Variants in KRT72 observed in about 807,000 individuals in gnomAD.
The protein encoded by KRT72 is keratin 72.
A neutral mutation model predicts 44.7 loss-of-function variants in KRT72; 44 were observed. The ratio of observed to expected loss-of-function variants is 0.98; its 90% CI spans 0.77 to 1.27. KRT72 has a LOEUF of 1.27. KRT72 is among the 50% of genes most tolerant of loss of function. KRT72 has a pLI of 0.00. For missense variants in KRT72, 736 were observed against 667.1 expected (o/e 1.10, Z -1.14); for synonymous variants, 302 against 280.4 (o/e 1.08, Z -0.77).
Position 52,585,928 on chromosome 12 carries a change from G to A in KRT72, c.*54C>T. The A allele has an allele frequency of 6.7e-7, 1 of 1,496,072 alleles. No homozygotes were observed. The allele number at this position is 1,496,072 out of a possible 1,614,324, so 92.7% of individuals were successfully genotyped here. A position where few individuals can be genotyped will look rare whatever the true frequency, so the allele number is the denominator to read the frequency against. ...GAAAGGGAGCCCAGGGAAGGAGAGGGAGGAGACGGGTGAGTTGGGAAGCCT... is the reference window on the plus strand; with the variant it reads ...GAAAGGGAGCCCAGGGAAGGAGAGGAAGGAGACGGGTGAGTTGGGAAGCCT... On this transcript the variant is annotated 3_prime_UTR_variant, in exon 9 of 9. Coordinates refer to ENST00000293745, the MANE Select transcript of KRT72 (RefSeq NM_080747.3).
chr12:52,589,001 AATATATAT>A (rs71092771), intron 6 of KRT72, among the ~76,000 whole-genome samples: 2 of 149,172 alleles, frequency 1.3e-5, no homozygotes, highest in Non-Finnish European at 3.0e-5. Flanking sequence ...ATCCATCTCA[AATATATAT>A]ATATATATTA....
chr12:52,599,777 G>A (rs1381296283), intron 1 of KRT72, among the ~76,000 whole-genome samples: 3 of 152,066 alleles, frequency 2.0e-5, no homozygotes, highest in Non-Finnish European at 2.9e-5. Context: ...GTGCCCTCCC[G>A]CCACCTCAAT....
chr12:52,601,059 G>A lies in KRT72; in HGVS notation c.394C>T (p.Leu132=), dbSNP rs1402936761. ...ATGAAGGAGGCGAACTTGTTGTTTA[G>A]CGCCTTGATCTGCTCCCGCTCCTGG... ...RAQEREQIKA[L]NNKFASFIDK... The change falls in exon 1 of 9, where the codon CTA becomes TTA. Residue 132 remains leucine (L), a synonymous_variant. Transcript: ENST00000293745. 1 of 1,612,228 alleles carries A rather than the reference G, an allele frequency of 6.2e-7. No individual in the cohort carries two copies. Among genetic ancestry groups the A allele is most frequent in the East Asian group, 2.2e-5 (1 of 44,732 alleles).
chr12:52,601,045 G>A lies in KRT72; in HGVS notation c.408C>T (p.Phe136=), dbSNP rs1189472937. The part of the protein sequence containing the change: ...REQIKALNNK[F]ASFIDKVRFL... The stretch of plus-strand genomic sequence containing the variant: ...GACTCACCTTGTCGATGAAGGAGGC[G>A]AACTTGTTGTTTAGCGCCTTGATCT... The change falls in exon 1 of 9, where the codon TTC becomes TTT. Residue 136 remains phenylalanine, a synonymous_variant. Transcript: ENST00000293745. 3.1e-6 allele frequency: 5 copies of A among 1,611,790 alleles called. No homozygotes were observed. Among genetic ancestry groups the A allele is most frequent in the East Asian group, 2.2e-5 (1 of 44,688 alleles).
At chr12:52,595,018 T>C (rs531985842) in intron 2 of KRT72, among the ~76,000 whole-genome samples, 1 of 152,218 alleles carries the variant, frequency 6.6e-6, no homozygotes, top group Non-Finnish European at 1.5e-5. Context: ...AGATTAATAA[T>C]GTCTACCCCC....
At chr12:52,598,286 G>A (rs1401983416) in intron 2 of KRT72, among the ~76,000 whole-genome samples, 1 of 152,120 alleles carries the variant, frequency 6.6e-6, no homozygotes, top group Non-Finnish European at 1.5e-5. Context: ...CAGCTCTGAC[G>A]ACCTCCAGCC....
At chr12:52,594,503 C>T (rs1372194492) in intron 2 of KRT72, among the ~76,000 whole-genome samples, 1 of 151,940 alleles carries the variant, frequency 6.6e-6, no homozygotes, top group East Asian at 1.9e-4. Flanking sequence ...GCAACTATTG[C>T]AAGGACAGAA....
At chr12:52,596,743 G>A (rs1940239243) in intron 2 of KRT72, among the ~76,000 whole-genome samples, 1 of 151,788 alleles carries the variant, frequency 6.6e-6, no homozygotes, top group African/African-American at 2.4e-5. Context: ...GTAGAGACAG[G>A]GTTTCGCCAT....
intron 2 of KRT72, 116 bp downstream of exon 2, chr12:52,598,782 A>C: frequency 1.2e-6 from 1 of 829,176 alleles, no homozygotes; most frequent in Non-Finnish European, 2.0e-6. Flanking sequence ...TTCTGTCTGG[A>C]TGTTCCTCCC....
upstream of KRT72, among the ~76,000 whole-genome samples, chr12:52,601,764 G>A (rs1940473848): frequency 6.6e-6 from 1 of 152,058 alleles, no homozygotes; most frequent in Admixed American, 6.5e-5. Flanking sequence ...CCACCTGCTG[G>A]CCTCCAATTA....
intron 7 of KRT72, 126 bp downstream of exon 7, chr12:52,587,505 G>T: frequency 9.8e-7 from 1 of 1,019,202 alleles, no homozygotes; most frequent in Non-Finnish European, 1.5e-6. Flanking sequence ...CTAATCATGT[G>T]ACAAGCCCAT....
chr12:52,601,115 T>C lies in KRT72; in HGVS notation c.338A>G (p.Glu113Gly). Residue 113 changes from glutamate to glycine, a missense_variant, in exon 1 of 9, where the codon GAG (glutamate) becomes GGG (glycine). By Grantham distance (98) the Glu-to-Gly change is moderately conservative. Coordinates refer to ENST00000293745, the MANE Select transcript of KRT72 (RefSeq NM_080747.3). ...NKSLLAPLNV[E>G]MDPEIQRVRA... Reference sequence around the variant, plus strand: ...CACCCTCTGGATCTCGGGGTCCATCTCCACGTTGAGCGGGGCCAGGAGGCT... The same window carrying C: ...CACCCTCTGGATCTCGGGGTCCATCCCCACGTTGAGCGGGGCCAGGAGGCT... 6.2e-7 allele frequency: 1 copy of C among 1,612,988 alleles called. No homozygotes were observed. Among genetic ancestry groups the C allele is most frequent in the Non-Finnish European group, 8.5e-7 (1 of 1,179,630 alleles).
chr12:52,596,324 C>T (rs1347397902), intron 2 of KRT72, among the ~76,000 whole-genome samples: 3 of 152,126 alleles, frequency 2.0e-5, no homozygotes, highest in Admixed American at 2.0e-4. Flanking sequence ...AGAATCCTAT[C>T]TCAGCTCAAT....
chr12:52,601,477 G>T (rs1440716658), upstream of KRT72: 3 of 1,530,464 alleles, frequency 2.0e-6, no homozygotes, highest in African/African-American at 4.2e-5. Context: ...GGTGCTGGCC[G>T]CGCGGGAGGC....
At chr12:52,588,899 C>T (rs777134161) in intron 6 of KRT72, among the ~76,000 whole-genome samples, 3 of 152,018 alleles carry the variant, frequency 2.0e-5, no homozygotes, top group Non-Finnish European at 4.4e-5. Context: ...ACTCGAGAGG[C>T]TGAGGCAGGA....
intron 3 of KRT72, 147 bp from the exon 4 acceptor site, chr12:52,592,638 TA>T: frequency 1.5e-6 from 1 of 660,932 alleles, no homozygotes; most frequent in Non-Finnish European, 2.6e-6. Context: ...TCCCTGAGAG[TA>T]AACCAACTAA....
chr12:52,601,258 C>T lies in KRT72; in HGVS notation c.195G>A (p.Arg65=). The change falls in exon 1 of 9, where the codon CGG becomes CGA. Residue 65 remains arginine (R), a synonymous_variant. Transcript: ENST00000293745. ...SRSLALSAAA[R]RGGGRLGGFV... ...AGCCGCCCAGGCGGCCGCCGCCCCGCCGTGCAGCAGCGCTGAGCGCCAGGC... is the reference window on the plus strand; with the variant it reads ...AGCCGCCCAGGCGGCCGCCGCCCCGTCGTGCAGCAGCGCTGAGCGCCAGGC... 1 of 1,562,658 alleles carries T rather than the reference C, an allele frequency of 6.4e-7. No homozygotes were observed. Among genetic ancestry groups the T allele is most frequent in the South Asian group, 1.2e-5 (1 of 86,306 alleles).
At position 52,592,782 on chromosome 12, in the gene KRT72, C is replaced by T; in HGVS notation, c.702+110G>A. ...TGGGAAGTTAGAGTGCCAGTCACCCCTGCCCAAGGGACTGAGTGACCTACA... is the reference window on the plus strand; with the variant it reads ...TGGGAAGTTAGAGTGCCAGTCACCCTTGCCCAAGGGACTGAGTGACCTACA... On this transcript the variant is annotated intron_variant, in intron 3 of 8. Transcript: ENST00000293745. The T allele has an allele frequency of 5.5e-6, 5 of 905,932 alleles. 1 individual carries two copies. Among genetic ancestry groups the T allele is most frequent in the Non-Finnish European group, 3.5e-6 (2 of 568,908 alleles). The allele number at this position is 905,932 out of a possible 1,614,324, so 56.1% of individuals were successfully genotyped here.
At chr12:52,600,205 T>C (rs910503423) in intron 1 of KRT72, among the ~76,000 whole-genome samples, 4 of 152,094 alleles carry the variant, frequency 2.6e-5, no homozygotes, top group Admixed American at 2.6e-4. Flanking sequence ...GGCCCTTTTC[T>C]CTCACCTCCT....
Sources: allele counts gnomAD v4.1 joint callset (sites outside exome capture counted in the v4.1 genomes callset), GRCh38; gene constraint gnomAD v4.1.1; transcripts MANE v1.5; gene names NCBI Gene and HGNC (gene_info 2026-07-23, HGNC 2026-07-21).